Variants in ORC3 observed in about 807,000 individuals in gnomAD.
ORC3 encodes homolog of latheo, Drosophila.
In ORC3, 78 loss-of-function variants were observed where a neutral mutation model predicts 100.7. That is an observed-to-expected ratio of 0.77 (90% confidence interval 0.65 to 0.94). The LOEUF is 0.94. Ranked by LOEUF, ORC3 falls within the 40% of genes least tolerant of loss-of-function variation. The pLI is 0.00. For missense variants in ORC3, 789 were observed against 823.9 expected (o/e 0.96, Z 0.52); for synonymous variants, 295 against 289.3 (o/e 1.02, Z -0.20).
intron 8 of ORC3, among the ~76,000 whole-genome samples, chr6:87,613,801 C>A (rs1395898242): frequency 6.6e-6 from 1 of 152,210 alleles, no homozygotes; most frequent in Non-Finnish European, 1.5e-5. Flanking sequence ...CATGCTGATG[C>A]AAGAGGTGGG....
intron 7 of ORC3, among the ~76,000 whole-genome samples, chr6:87,611,637 T>G (rs929389024): frequency 4.0e-5 from 6 of 151,716 alleles, no homozygotes; most frequent in Non-Finnish European, 5.9e-5. Context: ...AATTAAAAAA[T>G]TAGGCATGGT....
chr6:87,669,924 T>TATTA (rs760165682), downstream of ORC3, among the ~76,000 whole-genome samples: 6 of 152,212 alleles, frequency 3.9e-5, no homozygotes, highest in East Asian at 1.2e-3. Context: ...GTTTAGAAAC[T>TATTA]ATTACTTTGA....
At chr6:87,596,078 T>G (rs1376124752) in intron 2 of ORC3, among the ~76,000 whole-genome samples, 56 of 152,030 alleles carry the variant, frequency 3.7e-4, no homozygotes, top group Admixed American at 3.5e-3. Flanking sequence ...AGGGCTCAAG[T>G]GATCCTCCCA....
intron 13 of ORC3, among the ~76,000 whole-genome samples, chr6:87,642,893 C>T (rs548383068): frequency 6.6e-6 from 1 of 151,508 alleles, no homozygotes; most frequent in East Asian, 1.9e-4. Context: ...CAGAGCAAAA[C>T]TCTGTCTCAA....
intron 14 of ORC3, among the ~76,000 whole-genome samples, chr6:87,654,246 A>G (rs1769492192): frequency 6.6e-6 from 1 of 152,196 alleles, no homozygotes; most frequent in Non-Finnish European, 1.5e-5. Context: ...ATATCTCTCC[A>G]TAGCTACAAT....
intron 9 of ORC3, among the ~76,000 whole-genome samples, chr6:87,619,965 G>T (rs1295207407): frequency 6.6e-6 from 1 of 152,158 alleles, no homozygotes; most frequent in African/African-American, 2.4e-5. Flanking sequence ...GAGTAACTAG[G>T]ACTATGTAAT....
At chr6:87,675,900 A>G in the ORC3 span, 3 of 1,613,758 alleles carry the variant, frequency 1.9e-6, no homozygotes, top group Non-Finnish European at 2.5e-6. Flanking sequence ...TTATTTGATC[A>G]TGCGTAAACT....
At chr6:87,633,214 A>G (rs1383173621) in intron 11 of ORC3, among the ~76,000 whole-genome samples, 1 of 152,224 alleles carries the variant, frequency 6.6e-6, no homozygotes, top group African/African-American at 2.4e-5. Context: ...ATTTTCTTCA[A>G]AATATTCCCC....
intron 4 of ORC3, among the ~76,000 whole-genome samples, chr6:87,603,901 G>A (rs575998907): frequency 3.9e-5 from 6 of 152,070 alleles, no homozygotes; most frequent in East Asian, 3.9e-4. Flanking sequence ...TTTTTTAGTC[G>A]TATCTTCAAT....
At chr6:87,624,425 A>G (rs1472724193) in intron 11 of ORC3, among the ~76,000 whole-genome samples, 1 of 152,212 alleles carries the variant, frequency 6.6e-6, no homozygotes, top group East Asian at 1.9e-4. Flanking sequence ...TGGAGGTTGC[A>G]GTGAGCCAAG....
At chr6:87,629,610 A>G (rs1767230467) in intron 11 of ORC3, among the ~76,000 whole-genome samples, 1 of 152,230 alleles carries the variant, frequency 6.6e-6, no homozygotes. Flanking sequence ...TTTGTTACAT[A>G]TTGGATGATG....
intron 16 of ORC3, among the ~76,000 whole-genome samples, chr6:87,658,448 C>G (rs1769897288): frequency 1.4e-5 from 2 of 138,880 alleles, no homozygotes; most frequent in African/African-American, 5.3e-5. Context: ...CGGTGCAAGA[C>G]TCCGTCTCAA....
At chr6:87,616,287 G>A (rs1477842612) in intron 8 of ORC3, 27 bp from the exon 9 acceptor site, 1 of 841,902 alleles carries the variant, frequency 1.2e-6, no homozygotes, top group South Asian at 1.4e-5. Context: ...CAAGGAGTGT[G>A]TCCCCCTCCC....
At chr6:87,628,855 A>G (rs1398328507) in intron 11 of ORC3, among the ~76,000 whole-genome samples, 1 of 152,216 alleles carries the variant, frequency 6.6e-6, no homozygotes, top group Non-Finnish European at 1.5e-5. Context: ...AAAATTTCTT[A>G]GAAAAAATAA....
chr6:87,599,833 TGTG>T (rs1690954573), intron 2 of ORC3, among the ~76,000 whole-genome samples: 1 of 152,012 alleles, frequency 6.6e-6, no homozygotes, highest in South Asian at 2.1e-4. Context: ...ATTAGCCAGA[TGTG>T]GTCGCGGGCG....
intron 13 of ORC3, among the ~76,000 whole-genome samples, chr6:87,644,455 C>G (rs898370776): frequency 6.6e-6 from 1 of 151,892 alleles, no homozygotes; most frequent in African/African-American, 2.4e-5. Context: ...GCCTATAATC[C>G]CAGCACTTTG....
intron 2 of ORC3, among the ~76,000 whole-genome samples, chr6:87,599,525 G>A (rs912604238): frequency 4.0e-5 from 6 of 151,834 alleles, no homozygotes; most frequent in South Asian, 2.1e-4. Context: ...ATGCCACCAC[G>A]CCCGGCTAAT....
intron 15 of ORC3, among the ~76,000 whole-genome samples, chr6:87,657,719 A>T (rs1345770186): frequency 6.6e-6 from 1 of 152,218 alleles, no homozygotes; most frequent in Non-Finnish European, 1.5e-5. Context: ...CTTGTATATT[A>T]TAAAGCAAAA....
chr6:87,666,611 G>GT (rs1770660777), intron 19 of ORC3, among the ~76,000 whole-genome samples: 1 of 151,068 alleles, frequency 6.6e-6, no homozygotes, highest in African/African-American at 2.4e-5. Context: ...GCTAATTTTT[G>GT]TATTTTTAGG....
Sources: gnomAD v4.1 joint callset for allele counts (sites outside exome capture counted in the v4.1 genomes callset) on GRCh38, gnomAD v4.1.1 for gene constraint, MANE v1.5 for transcripts, NCBI Gene and HGNC (gene_info 2026-07-23, HGNC 2026-07-21) for gene names.